Variants in SAMHD1 observed in about 807,000 individuals in gnomAD.
SAMHD1 encodes the protein deoxynucleoside triphosphate triphosphohydrolase SAMHD1.
Under a neutral mutation model 79.6 loss-of-function variants are expected in SAMHD1, and 54 were observed. That is an observed-to-expected ratio of 0.68 (90% CI 0.55 to 0.85). The LOEUF (loss-of-function observed/expected upper bound fraction) is 0.85, where lower values mean the gene tolerates loss of function less well. SAMHD1 is among the 40% of genes least tolerant of loss of function. SAMHD1 has a pLI of 0.00. For synonymous variants in SAMHD1, 260 were observed against 264.1 expected (o/e 0.98, Z 0.15); for missense variants, 663 against 782.7 (o/e 0.85, Z 1.82).
rs143331929 is a variant in SAMHD1, at chr20:36,907,291, G to A, written c.1271-1788C>T. On this transcript the variant is annotated intron_variant, in intron 11 of 15. Coordinates refer to ENST00000646673, the MANE Select transcript of SAMHD1 (RefSeq NM_015474.4). ...TTGTTTGTTTTTGAGACAGGGTCTC[G>A]CTCTGTTGTCAGGCTGGAGTGAAGT... 2.4e-3 allele frequency among the ~76,000 whole-genome samples: 357 copies of A among 151,246 alleles called. 7 individuals carry two copies. Among genetic ancestry groups the A allele is most frequent in the African/African-American group, 8.4e-3 (344 of 41,142 alleles).
At chr20:36,944,625 T>C (rs1344722779) in intron 2 of SAMHD1, among the ~76,000 whole-genome samples, 1 of 152,228 alleles carries the variant, frequency 6.6e-6, no homozygotes, top group Non-Finnish European at 1.5e-5. Context: ...CCGGTCGCAG[T>C]GGCTCGCGCC....
chr20:36,928,041 C>G (rs573886771), intron 5 of SAMHD1, among the ~76,000 whole-genome samples: 4 of 152,262 alleles, frequency 2.6e-5, no homozygotes, highest in South Asian at 4.1e-4. Flanking sequence ...ATGCCAAAAA[C>G]TTTTTGAAAT....
At chr20:36,918,241 G>A (rs947874072) in intron 7 of SAMHD1, among the ~76,000 whole-genome samples, 3 of 151,920 alleles carry the variant, frequency 2.0e-5, no homozygotes, top group Admixed American at 2.0e-4. Flanking sequence ...ATGAGTCACT[G>A]AGCCTGGCCA....
chr20:36,899,013 G>T (rs533417206), intron 13 of SAMHD1, among the ~76,000 whole-genome samples: 40 of 151,882 alleles, frequency 2.6e-4, no homozygotes, highest in African/African-American at 9.7e-4. Context: ...AAAAATAACT[G>T]GTTCGTGACC....
Position 36,891,986 on chromosome 20 carries a change from G to C in SAMHD1, c.*946C>G, listed in dbSNP as rs1990086226. 1 of 152,354 alleles carries C rather than the reference G, an allele frequency of 6.6e-6. No individual in the cohort carries two copies. The highest frequency in any genetic ancestry group is 1.5e-5 in the Non-Finnish European group (1 of 68,146). The allele number at this position is 152,354 out of a possible 1,614,324, so 9.4% of individuals were successfully genotyped here. A position where few individuals can be genotyped will look rare whatever the true frequency, so the allele number is the denominator to read the frequency against. Reference sequence around the variant, plus strand: ...GATACTGAGAGAGCAGGTCAGGGGAGGCCTTCTCCAGGCTGGGCAGTGGGA... The same window carrying C: ...GATACTGAGAGAGCAGGTCAGGGGACGCCTTCTCCAGGCTGGGCAGTGGGA... On this transcript the variant is annotated 3_prime_UTR_variant, in exon 16 of 16. Coordinates refer to ENST00000646673, the MANE Select transcript of SAMHD1 (RefSeq NM_015474.4).
At chr20:36,926,520 C>T (rs747784406) in intron 6 of SAMHD1, among the ~76,000 whole-genome samples, 4 of 151,886 alleles carry the variant, frequency 2.6e-5, no homozygotes, top group Non-Finnish European at 4.4e-5. Context: ...TGGATGTATA[C>T]GCCTGTCAAA....
rs928865377 is a variant in SAMHD1, at chr20:36,892,009, G to C, written c.*923C>G. 1 of 152,394 alleles carries C rather than the reference G, an allele frequency of 6.6e-6. No homozygotes were observed. The highest frequency in any genetic ancestry group is 2.4e-5 in the African/African-American group (1 of 41,464). The allele number at this position is 152,394 out of a possible 1,614,324, so 9.4% of individuals were successfully genotyped here. ...GAGGCCTTCTCCAGGCTGGGCAGTG[G>C]GAAGGCCCTCTGGACCGGGGGAGTG... On this transcript the variant is annotated 3_prime_UTR_variant, in exon 16 of 16. Transcript: ENST00000646673.
intron 3 of SAMHD1, 42 bp downstream of exon 3, chr20:36,940,997 C>T (rs1271144030): frequency 7.1e-7 from 1 of 1,413,238 alleles, no homozygotes; most frequent in Non-Finnish European, 1.0e-6. Flanking sequence ...TGAGTTATAT[C>T]ACTTTATATT....
intron 15 of SAMHD1, chr20:36,894,062 T>A: frequency 2.5e-6 from 1 of 396,978 alleles, no homozygotes; most frequent in Non-Finnish European, 4.4e-6. Flanking sequence ...TCCCACCTGC[T>A]CCCTTGGTCT....
chr20:36,906,916 T>G (rs765781436), intron 11 of SAMHD1, among the ~76,000 whole-genome samples: 35 of 151,734 alleles, frequency 2.3e-4, no homozygotes, highest in Middle Eastern at 3.4e-3. Context: ...CTCAGCCTCC[T>G]GAGTAGCTGG....
chr20:36,897,733 A>C, intron 15 of SAMHD1, 89 bp downstream of exon 15: 1 of 1,442,756 alleles, frequency 6.9e-7, no homozygotes, highest in Non-Finnish European at 9.7e-7. Flanking sequence ...CTATAACTTA[A>C]ATGGGAACTT....
At chr20:36,939,282 A>C (rs1425180354) in intron 3 of SAMHD1, among the ~76,000 whole-genome samples, 1 of 143,444 alleles carries the variant, frequency 7.0e-6, no homozygotes, top group East Asian at 2.1e-4. Flanking sequence ...AAAAAAAAGA[A>C]AAGAAAAGAA....
At chr20:36,904,833 G>A (rs893541459) in intron 12 of SAMHD1, 1 of 180,070 alleles carries the variant, frequency 5.6e-6, no homozygotes, top group Non-Finnish European at 1.2e-5. Flanking sequence ...GGTAGGATGT[G>A]GTTATAAGTA....
At position 36,927,230 on chromosome 20, in the gene SAMHD1, CAT is replaced by C. The variant is rs768019897; in HGVS notation, c.646_647del (p.Met216ValfsTer2). 1.2e-5 allele frequency: 19 copies of C among 1,612,840 alleles called. No homozygotes were observed. Among genetic ancestry groups the C allele is most frequent in the African/African-American group, 2.7e-5 (2 of 74,698 alleles). ...HDLGHGPFSH[M>X]FDGRFIPLAR... is the part of the protein sequence containing the mutation. ...CAAGTGGAATAAATCGTCCATCAAA[CAT>C]GTGAGAAAATGGCCCATGACCTTAA... On this transcript the variant is annotated frameshift_variant, in exon 6 of 16. Transcript: ENST00000646673. LOFTEE classifies it high-confidence loss of function.
At chr20:36,939,276 A>G (rs1234288832) in intron 3 of SAMHD1, among the ~76,000 whole-genome samples, 5 of 129,728 alleles carry the variant, frequency 3.9e-5, no homozygotes, top group African/African-American at 6.2e-5. Context: ...AAAAAAAAAA[A>G]AAAGAAAAGA....
chr20:36,938,145 G>A (rs1273510063), intron 3 of SAMHD1, among the ~76,000 whole-genome samples: 1 of 152,026 alleles, frequency 6.6e-6, no homozygotes, highest in Non-Finnish European at 1.5e-5. Context: ...TGGGATTACG[G>A]GTGTGAGCCA....
rs1568788278 is a variant in SAMHD1, at chr20:36,951,471, C to T, written c.173G>A (p.Gly58Asp). ...EQVCSFLRRGGFEEPVLLKNI... is the reference protein window; with the variant it reads ...EQVCSFLRRGDFEEPVLLKNI... ...CTTCAGCAGCACCGGCTCTTCAAAG[C>T]CACCGCGCCTGAGGAAGGAGCACAC... is the stretch of plus-strand genomic sequence containing the variant. Residue 58 changes from glycine to aspartate, a missense_variant, in exon 1 of 16, where the codon GGC becomes GAC. Transcript: ENST00000646673. The T allele has an allele frequency of 1.9e-6, 3 of 1,614,024 alleles. No individual in the cohort carries two copies. Among genetic ancestry groups the T allele is most frequent in the African/African-American group, 2.7e-5 (2 of 74,944 alleles).
At chr20:36,916,160 CA>C (rs888889988) in intron 9 of SAMHD1, among the ~76,000 whole-genome samples, 25 of 142,436 alleles carry the variant, frequency 1.8e-4, no homozygotes, top group Admixed American at 2.8e-4. Context: ...GACTCCGTCT[CA>C]AAAAAAAAAA....
chr20:36,913,277 G>A (rs1475097802), intron 9 of SAMHD1, among the ~76,000 whole-genome samples: 8 of 150,692 alleles, frequency 5.3e-5, no homozygotes. Context: ...GATTACAGGC[G>A]TGAGCCACTG....
Sources: gnomAD v4.1 joint callset for allele counts (sites outside exome capture counted in the v4.1 genomes callset) on GRCh38, gnomAD v4.1.1 for gene constraint, MANE v1.5 for transcripts, NCBI Gene and HGNC (gene_info 2026-07-23, HGNC 2026-07-21) for gene names.